Variants in SRFBP1 observed in about 807,000 individuals in gnomAD.
The protein encoded by SRFBP1 is serum response factor-binding protein 1.
Under a neutral mutation model 45.5 loss-of-function variants are expected in SRFBP1, and 47 were observed. The ratio of observed to expected loss-of-function variants is 1.03; its 90% CI spans 0.82 to 1.32. The LOEUF is 1.32. Among genes scored for constraint, SRFBP1 ranks in the 40% most tolerant of loss-of-function variants. SRFBP1 has a pLI of 0.00. For synonymous variants in SRFBP1, 203 were observed against 166.3 expected (o/e 1.22, Z -1.70); for missense variants, 621 against 484.6 (o/e 1.28, Z -2.64).
chr5:122,011,387 C>CATT (rs1213582036), intron 4 of SRFBP1, among the ~76,000 whole-genome samples: 1 of 152,030 alleles, frequency 6.6e-6, no homozygotes, highest in East Asian at 1.9e-4. Flanking sequence ...CCATGGCAAA[C>CATT]ATTATGTCAA....
At chr5:121,969,734 T>C (rs1752149147) in intron 1 of SRFBP1, among the ~76,000 whole-genome samples, 1 of 152,106 alleles carries the variant, frequency 6.6e-6, no homozygotes, top group Non-Finnish European at 1.5e-5. Flanking sequence ...ATGCATTCTC[T>C]TGCTGTTTGG....
At chr5:121,981,890 G>T (rs973127261) in intron 3 of SRFBP1, among the ~76,000 whole-genome samples, 2 of 151,752 alleles carry the variant, frequency 1.3e-5, no homozygotes, top group Non-Finnish European at 2.9e-5. Flanking sequence ...TCAATTAATT[G>T]TTCCTAACAC....
intron 1 of SRFBP1, 92 bp downstream of exon 1, chr5:121,962,160 G>A: frequency 6.6e-7 from 1 of 1,520,936 alleles, no homozygotes; most frequent in African/African-American, 1.4e-5. Context: ...TAGAGGGTGC[G>A]GTTGGAGGAA....
At chr5:122,069,190 A>G (rs1754384954) in intron 2 of SRFBP1, among the ~76,000 whole-genome samples, 1 of 152,148 alleles carries the variant, frequency 6.6e-6, no homozygotes. Flanking sequence ...ATGAGATTCT[A>G]GTATAGCTCT....
At chr5:122,020,852 G>A (rs750103933) in intron 6 of SRFBP1, 50 bp downstream of exon 6, 13 of 1,425,940 alleles carry the variant, frequency 9.1e-6, no homozygotes, top group Non-Finnish European at 1.2e-5. Context: ...TTTTTAAAAA[G>A]CTATAAATGT....
chr5:122,038,462 A>G (rs1053007442), intron 2 of SRFBP1, among the ~76,000 whole-genome samples: 1 of 152,182 alleles, frequency 6.6e-6, no homozygotes, highest in African/African-American at 2.4e-5. Flanking sequence ...GGAAAATGAA[A>G]TGTTATTAGT....
downstream of SRFBP1, among the ~76,000 whole-genome samples, chr5:122,030,135 T>C (rs1753565963): frequency 6.6e-6 from 1 of 152,062 alleles, no homozygotes; most frequent in Non-Finnish European, 1.5e-5. Context: ...AATGGCAGAG[T>C]AAGAACATCC....
intron 4 of SRFBP1, among the ~76,000 whole-genome samples, chr5:121,995,940 A>G (rs1752717588): frequency 6.6e-6 from 1 of 152,174 alleles, no homozygotes; most frequent in African/African-American, 2.4e-5. Flanking sequence ...CTCGACACAT[A>G]CACTCTCCCA....
chr5:122,036,089 C>G lies in SRFBP1; in HGVS notation n.311+13682C>G, dbSNP rs541005173. Among the ~76,000 whole-genome samples, 20 of 152,336 alleles carry G rather than the reference C, an allele frequency of 1.3e-4. No homozygotes were observed. The East Asian group carries it at 3.5e-3, about 26-fold the overall frequency. ...TGGCCAGGGTTGCTCAAACTCTGCACGTTCCCAAGATATGCTTGTCTTGCA... is the reference window on the plus strand; with the variant it reads ...TGGCCAGGGTTGCTCAAACTCTGCAGGTTCCCAAGATATGCTTGTCTTGCA... On this transcript the variant is annotated intron_variant and non_coding_transcript_variant, in intron 2 of 2. Transcript: ENST00000504881.
downstream of SRFBP1, chr5:122,077,145 A>T: frequency 6.8e-7 from 1 of 1,469,022 alleles, no homozygotes; most frequent in Non-Finnish European, 9.0e-7. This position sits in a 1 kb window ranked among gnomAD's most constrained non-coding sequence, Gnocchi z 4.9. Flanking sequence ...AGAACTGGGG[A>T]CGCCCGGGAC....
chr5:122,045,602 A>G (rs1295792712), intron 2 of SRFBP1, among the ~76,000 whole-genome samples: 1 of 151,930 alleles, frequency 6.6e-6, no homozygotes, highest in Admixed American at 6.6e-5. Context: ...TAGGTATTTT[A>G]TTCTTTTTGT....
chr5:121,972,720 G>C (rs1270404333), intron 1 of SRFBP1, among the ~76,000 whole-genome samples: 1 of 151,846 alleles, frequency 6.6e-6, no homozygotes, highest in Non-Finnish European at 1.5e-5. Context: ...GTTGTGGTGG[G>C]TGGAGTTGAA....
chr5:121,968,366 C>CA (rs920630716), intron 1 of SRFBP1, among the ~76,000 whole-genome samples: 13 of 152,060 alleles, frequency 8.5e-5, no homozygotes, highest in African/African-American at 2.2e-4. Flanking sequence ...TTATGCTACT[C>CA]AGAGTGGTGC....
rs147584248 is a variant in SRFBP1, at chr5:122,049,040, G to A, written n.312-26275G>A. On this transcript the variant is annotated intron_variant and non_coding_transcript_variant, in intron 2 of 2. Coordinates refer to the SRFBP1 transcript ENST00000504881. ...TTTTGAAGGGTTTTTTTGTGTCTCT[G>A]TTTCCTTCAGTTCTGCTCTGATCTT... Among the ~76,000 whole-genome samples, 630 of 151,898 alleles carry A rather than the reference G, an allele frequency of 4.1e-3. 15 individuals carry two copies. In the East Asian group the frequency reaches 0.053, roughly 13 times the overall value.
chr5:122,008,848 A>G (rs1031668521), intron 4 of SRFBP1, among the ~76,000 whole-genome samples: 3 of 152,222 alleles, frequency 2.0e-5, no homozygotes, highest in Non-Finnish European at 2.9e-5. Context: ...AACTAGGACC[A>G]AAAATAAAAT....
chr5:121,962,052 T>A lies in SRFBP1; in HGVS notation c.20T>A (p.Leu7Gln). 6.2e-7 allele frequency: 1 copy of A among 1,614,136 alleles called. No individual in the cohort carries two copies. Among genetic ancestry groups the A allele is most frequent in the South Asian group, 1.1e-5 (1 of 91,086 alleles). Reference protein sequence around the residue: MAQPGTLNLNNEVVKMR... With the variant: MAQPGTQNLNNEVVKMR... ...TCTACCATGGCTCAGCCGGGAACTC[T>A]GAACCTCAATAACGAGGTGAGCGCC... is the stretch of plus-strand genomic sequence containing the variant. The change falls in exon 1 of 8, where the codon CTG (leucine) becomes CAG (glutamine). Residue 7 changes from leucine to glutamine, a missense_variant. Leu to Gln is a moderately radical substitution (Grantham distance 113, BLOSUM62 -2). Coordinates refer to ENST00000339397, the MANE Select transcript of SRFBP1 (RefSeq NM_152546.3).
chr5:122,001,351 G>A (rs1752863387), intron 4 of SRFBP1, among the ~76,000 whole-genome samples: 1 of 149,994 alleles, frequency 6.7e-6, no homozygotes, highest in African/African-American at 2.4e-5. Flanking sequence ...AGATGATTTA[G>A]GGCCATGATT....
At chr5:121,965,523 G>A (rs1018531423) in intron 1 of SRFBP1, among the ~76,000 whole-genome samples, 3 of 152,068 alleles carry the variant, frequency 2.0e-5, no homozygotes, top group Non-Finnish European at 2.9e-5. Context: ...TGTTTCTGAG[G>A]CCTCTGTTCT....
At chr5:122,040,557 C>T (rs991032582) in intron 2 of SRFBP1, among the ~76,000 whole-genome samples, 1 of 152,250 alleles carries the variant, frequency 6.6e-6, no homozygotes, top group African/African-American at 2.4e-5. Flanking sequence ...GGTATGAATA[C>T]TCAATGCTTA....
Sources: allele counts gnomAD v4.1 joint callset (sites outside exome capture counted in the v4.1 genomes callset), GRCh38; gene constraint gnomAD v4.1.1; non-coding constraint Gnocchi (gnomAD v3.1); transcripts MANE v1.5; gene names NCBI Gene and HGNC (gene_info 2026-07-23, HGNC 2026-07-21).